Variants in NXPE2 observed in about 807,000 individuals in gnomAD.
NXPE2 encodes NXPE family member 2.
In NXPE2, 34 loss-of-function variants were observed where a neutral mutation model predicts 34.4. That is an observed-to-expected ratio of 0.99 (90% CI 0.75 to 1.31). The LOEUF is 1.31. Ranked by LOEUF, NXPE2 falls within the 40% of genes most tolerant of loss-of-function variation. The probability of loss-of-function intolerance (pLI) is 0.00; values close to 1 mark genes in which losing one functional copy is unlikely to be tolerated. For missense variants in NXPE2, 649 were observed against 672.5 expected (o/e 0.97, Z 0.39); for synonymous variants, 235 against 231.3 (o/e 1.02, Z -0.15).
chr11:114,615,295 A>G, the NXPE2 span, among the ~76,000 whole-genome samples: 38 of 152,064 alleles, frequency 2.5e-4, no homozygotes, highest in South Asian at 7.5e-3. Context: ...TACCTGGTGG[A>G]TGATAAATAT....
At chr11:114,633,640 G>T in the NXPE2 span, among the ~76,000 whole-genome samples, 1 of 142,044 alleles carries the variant, frequency 7.0e-6, no homozygotes, top group Non-Finnish European at 1.5e-5. Context: ...ACTGTCCCCA[G>T]AGTGTGATGT....
the NXPE2 span, among the ~76,000 whole-genome samples, chr11:114,739,406 C>T: frequency 5.2e-5 from 7 of 135,858 alleles, no homozygotes; most frequent in Non-Finnish European, 7.9e-5. Flanking sequence ...CTCCCTCCCT[C>T]GCTCCTTCCC....
At chr11:114,609,295 A>T in the NXPE2 span, among the ~76,000 whole-genome samples, 1 of 151,572 alleles carries the variant, frequency 6.6e-6, no homozygotes, top group Non-Finnish European at 1.5e-5. Flanking sequence ...TACCCGGTGG[A>T]TAATAAGTAT....
the NXPE2 span, chr11:114,513,108 C>T: frequency 1.9e-6 from 1 of 536,884 alleles, no homozygotes; most frequent in Non-Finnish European, 3.8e-6. Flanking sequence ...CCTGAAGCAC[C>T]TGCCATCAGG....
chr11:114,680,698 T>A (rs1950935803), intron 2 of NXPE2, among the ~76,000 whole-genome samples: 1 of 152,150 alleles, frequency 6.6e-6, no homozygotes, highest in Non-Finnish European at 1.5e-5. Context: ...TCCTGAGCCA[T>A]ACTCAGAACT....
chr11:114,687,165 G>T (rs1215931681), intron 2 of NXPE2, among the ~76,000 whole-genome samples: 1 of 151,858 alleles, frequency 6.6e-6, no homozygotes, highest in Non-Finnish European at 1.5e-5. Context: ...TGCTTTGAGG[G>T]CTTAGTTATA....
At chr11:114,684,319 C>T (rs560372054) in intron 2 of NXPE2, among the ~76,000 whole-genome samples, 6 of 151,756 alleles carry the variant, frequency 4.0e-5, no homozygotes, top group East Asian at 1.9e-4. Flanking sequence ...CCCAGCTACT[C>T]GGGAGTCTGA....
the NXPE2 span, among the ~76,000 whole-genome samples, chr11:114,757,598 C>A: frequency 6.6e-6 from 1 of 152,122 alleles, no homozygotes; most frequent in Non-Finnish European, 1.5e-5. Flanking sequence ...TTTGGAAAGG[C>A]CAGCCTTGTT....
At chr11:114,672,527 G>T in the NXPE2 span, among the ~76,000 whole-genome samples, 1 of 151,848 alleles carries the variant, frequency 6.6e-6, no homozygotes, top group Non-Finnish European at 1.5e-5. Context: ...GGCAGAAATT[G>T]CCAGACTGGT....
chr11:114,554,297 G>A, the NXPE2 span: 1 of 980,726 alleles, frequency 1.0e-6, no homozygotes, highest in Non-Finnish European at 1.2e-6. Context: ...TGTAAGCAGA[G>A]GCCATGTGTG....
the NXPE2 span, among the ~76,000 whole-genome samples, chr11:114,672,731 T>C: frequency 6.6e-6 from 1 of 151,948 alleles, no homozygotes; most frequent in African/African-American, 2.4e-5. Context: ...TTTTCTAATG[T>C]TAAAAGTGTC....
chr11:114,679,617 T>C (rs1950915174), intron 1 of NXPE2, 40 bp from the exon 2 acceptor site: 1 of 1,288,076 alleles, frequency 7.8e-7, no homozygotes, highest in African/African-American at 1.5e-5. Flanking sequence ...GTCGTACTTA[T>C]TTGATTTAAT....
the NXPE2 span, among the ~76,000 whole-genome samples, chr11:114,480,597 A>C: frequency 2.0e-5 from 3 of 152,146 alleles, no homozygotes; most frequent in African/African-American, 7.2e-5. Flanking sequence ...TGTTATGTTG[A>C]ATCCCTTATT....
chr11:114,476,593 T>C, the NXPE2 span, among the ~76,000 whole-genome samples: 1 of 152,160 alleles, frequency 6.6e-6, no homozygotes, highest in African/African-American at 2.4e-5. Flanking sequence ...CTTACAGTCA[T>C]GGTGGAAGGT....
the NXPE2 span, among the ~76,000 whole-genome samples, chr11:114,784,624 C>T: frequency 6.6e-6 from 1 of 152,118 alleles, no homozygotes; most frequent in Admixed American, 6.5e-5. Flanking sequence ...GGAAGATTTC[C>T]ACAGAAAAAC....
At chr11:114,513,405 T>C in the NXPE2 span, 4 of 335,660 alleles carry the variant, frequency 1.2e-5, no homozygotes, top group Non-Finnish European at 2.3e-5. Flanking sequence ...TAGGAGAGAA[T>C]ATTAGGAAGG....
chr11:114,541,920 T>C, the NXPE2 span, among the ~76,000 whole-genome samples: 1 of 150,288 alleles, frequency 6.7e-6, no homozygotes, highest in African/African-American at 2.4e-5. Flanking sequence ...CAAGTTTATG[T>C]TTATCAATTG....
chr11:114,693,212 A>G (rs1951185729), intron 2 of NXPE2, among the ~76,000 whole-genome samples: 1 of 152,156 alleles, frequency 6.6e-6, no homozygotes. Flanking sequence ...CTAGGGAAAC[A>G]TATTAGAGTT....
the NXPE2 span, among the ~76,000 whole-genome samples, chr11:114,791,206 G>A: frequency 6.6e-6 from 1 of 151,964 alleles, no homozygotes; most frequent in Non-Finnish European, 1.5e-5. Context: ...GGTGAGAGAA[G>A]GGTGGAATTG....
Sources: gnomAD v4.1 joint callset for allele counts (sites outside exome capture counted in the v4.1 genomes callset) on GRCh38, gnomAD v4.1.1 for gene constraint, MANE v1.5 for transcripts, NCBI Gene and HGNC (gene_info 2026-07-23, HGNC 2026-07-21) for gene names.